Variants in PLPPR1 observed in about 807,000 individuals in gnomAD.
The protein encoded by PLPPR1 is phospholipid phosphatase related 1.
PLPPR1 carries 10 observed loss-of-function variants against 33.1 expected under a neutral mutation model. The ratio of observed to expected loss-of-function variants is 0.30; its 90% CI spans 0.19 to 0.51. The LOEUF (loss-of-function observed/expected upper bound fraction) is 0.51, where lower values mean the gene tolerates loss of function less well. PLPPR1 is among the 20% of genes least tolerant of loss of function. PLPPR1 has a pLI of 0.97. For missense variants in PLPPR1, 304 were observed against 408.1 expected (o/e 0.74, Z 2.20); for synonymous variants, 151 against 151.0 (o/e 1.00, Z 0.00).
intron 1 of PLPPR1, among the ~76,000 whole-genome samples, chr9:101,177,727 G>A (rs1826039129): frequency 6.6e-6 from 1 of 151,602 alleles, no homozygotes; most frequent in African/African-American, 2.4e-5. Context: ...TTTCATGTTA[G>A]TCATCCATAT....
intron 2 of PLPPR1, among the ~76,000 whole-genome samples, chr9:101,267,652 AG>A (rs1385645217): frequency 1.3e-5 from 2 of 152,242 alleles, no homozygotes; most frequent in African/African-American, 2.4e-5. Context: ...ATAAAAGGAA[AG>A]GTAGCAATGG....
intron 1 of PLPPR1, among the ~76,000 whole-genome samples, chr9:101,159,600 A>C (rs974717593): frequency 6.6e-6 from 1 of 152,192 alleles, no homozygotes. Context: ...TTATTTCTAA[A>C]TGTTCTATGA....
rs539762973 is a variant in PLPPR1 at position 101,141,127 on chromosome 9, AT to A, written c.-45-44321del. ...TGAATTCCTTGACTAGAAAATAAAC[AT>A]TAATTACCAACCGTGAAGAACATGG... On this transcript the variant is annotated intron_variant, in intron 1 of 7. Transcript: ENST00000374874. 1.2e-3 allele frequency among the ~76,000 whole-genome samples: 176 copies of A among 152,296 alleles called. 1 individual carries two copies. Among genetic ancestry groups the A allele is most frequent in the Admixed American group, 2.0e-3 (30 of 15,278 alleles).
intron 4 of PLPPR1, among the ~76,000 whole-genome samples, chr9:101,293,517 A>G (rs959873808): frequency 1.8e-4 from 27 of 152,292 alleles, no homozygotes; most frequent in South Asian, 4.1e-4. Context: ...TCAGCCCCAC[A>G]CCACACCTAT....
intron 1 of PLPPR1, among the ~76,000 whole-genome samples, chr9:101,165,276 G>A (rs1825839125): frequency 6.6e-6 from 1 of 152,186 alleles, no homozygotes; most frequent in South Asian, 2.1e-4. Flanking sequence ...TTGACATAAT[G>A]TTGCCTGTGG....
At chr9:101,246,055 A>AATATATATATATATAT (rs58070017) in intron 2 of PLPPR1, among the ~76,000 whole-genome samples, 3 of 85,652 alleles carry the variant, frequency 3.5e-5, no homozygotes, top group Non-Finnish European at 7.4e-5. Flanking sequence ...ATTGAATATG[A>AATATATATATATATAT]ATATATATAT....
chr9:101,231,427 A>G (rs919818519), intron 2 of PLPPR1, among the ~76,000 whole-genome samples: 1 of 151,600 alleles, frequency 6.6e-6, no homozygotes, highest in African/African-American at 2.4e-5. Flanking sequence ...TACATCAAGC[A>G]GAGATTTAGC....
chr9:101,111,214 C>T (rs1259887247), intron 1 of PLPPR1, among the ~76,000 whole-genome samples: 1 of 151,990 alleles, frequency 6.6e-6, no homozygotes, highest in Non-Finnish European at 1.5e-5. Flanking sequence ...CTCTAAAGAA[C>T]AAGTGTTATT....
chr9:101,304,832 C>G (rs974134372), intron 4 of PLPPR1, among the ~76,000 whole-genome samples: 5 of 152,182 alleles, frequency 3.3e-5, no homozygotes, highest in Admixed American at 3.3e-4. Context: ...CTCATTGGTA[C>G]TCTATAGAGC....
chr9:101,034,059 AC>A (rs1829980857), intron 1 of PLPPR1, among the ~76,000 whole-genome samples: 1 of 148,316 alleles, frequency 6.7e-6, no homozygotes, highest in East Asian at 2.0e-4. Flanking sequence ...GAAAAAAAAA[AC>A]GTGCAATGCG....
chr9:101,286,222 T>G lies in PLPPR1; in HGVS notation c.371T>G (p.Ile124Ser). ...TACCTGAACCCCTTACTTCGAAGGATCATAAGATTCACAGGTGAGTACAAG... is the reference window on the plus strand; with the variant it reads ...TACCTGAACCCCTTACTTCGAAGGAGCATAAGATTCACAGGTGAGTACAAG... ...CCYLNPLLRR[I>S]IRFTGVFAFG... Residue 124 changes from isoleucine (I) to serine (S), a missense_variant, in exon 4 of 8, where the codon ATC becomes AGC. By Grantham distance (142) the Ile-to-Ser change is moderately radical. Transcript: ENST00000374874. 6.2e-7 allele frequency: 1 copy of G among 1,613,752 alleles called. No individual in the cohort carries two copies. The highest frequency in any genetic ancestry group is 8.5e-7 in the Non-Finnish European group (1 of 1,179,772).
intron 2 of PLPPR1, among the ~76,000 whole-genome samples, chr9:101,200,886 T>C (rs1826480159): frequency 6.6e-6 from 1 of 152,212 alleles, no homozygotes; most frequent in African/African-American, 2.4e-5. Flanking sequence ...AAGACTCATT[T>C]TCCCTGGAAC....
chr9:101,066,755 C>T (rs1272399283), intron 1 of PLPPR1, among the ~76,000 whole-genome samples: 1 of 151,966 alleles, frequency 6.6e-6, no homozygotes, highest in Admixed American at 6.6e-5. Flanking sequence ...CCAAACTCAT[C>T]TTGTATATTT....
chr9:101,247,264 T>C (rs1827627727), intron 2 of PLPPR1, among the ~76,000 whole-genome samples: 1 of 151,912 alleles, frequency 6.6e-6, no homozygotes, highest in South Asian at 2.1e-4. Flanking sequence ...ACAACTGGAT[T>C]CAGAAACGTG....
At chr9:101,076,865 T>C (rs949348371) in intron 1 of PLPPR1, among the ~76,000 whole-genome samples, 1 of 152,224 alleles carries the variant, frequency 6.6e-6, no homozygotes, top group African/African-American at 2.4e-5. Flanking sequence ...TCAAGAATGT[T>C]CTAGAACAAG....
intron 1 of PLPPR1, among the ~76,000 whole-genome samples, chr9:101,127,535 C>T (rs777768317): frequency 2.0e-4 from 31 of 152,334 alleles, no homozygotes; most frequent in Non-Finnish European, 3.7e-4. Flanking sequence ...TTAGCATTAG[C>T]TCTGCTACTT....
intron 4 of PLPPR1, among the ~76,000 whole-genome samples, chr9:101,305,468 A>C (rs1235121923): frequency 3.9e-5 from 6 of 152,184 alleles, no homozygotes; most frequent in African/African-American, 1.4e-4. Context: ...TTTATAATTT[A>C]GTATGCAACA....
At chr9:101,300,416 C>T (rs1828731609) in intron 4 of PLPPR1, among the ~76,000 whole-genome samples, 1 of 152,166 alleles carries the variant, frequency 6.6e-6, no homozygotes, top group South Asian at 2.1e-4. Flanking sequence ...AGGGATCCTC[C>T]AGCCTCAGCC....
chr9:101,265,602 GCAT>G (rs1378884600), intron 2 of PLPPR1, among the ~76,000 whole-genome samples: 4 of 152,192 alleles, frequency 2.6e-5, no homozygotes, highest in African/African-American at 9.7e-5. Flanking sequence ...TAATTGTGTG[GCAT>G]CATCAGTGCA....
Sources: allele counts gnomAD v4.1 joint callset (sites outside exome capture counted in the v4.1 genomes callset), GRCh38; gene constraint gnomAD v4.1.1; transcripts MANE v1.5; gene names NCBI Gene and HGNC (gene_info 2026-07-23, HGNC 2026-07-21).